The following ARL15 variants were observed in gnomAD, a reference collection of about 807,000 sequenced individuals.
ARL15 encodes ARF like GTPase 15.
In ARL15, 19 loss-of-function variants were observed where a neutral mutation model predicts 25.2. That is an observed-to-expected ratio of 0.75 (90% CI 0.53 to 1.10). The LOEUF (loss-of-function observed/expected upper bound fraction) is 1.10. ARL15 is among the 50% of genes least tolerant of loss of function. The pLI is 0.00. For synonymous variants in ARL15, 94 were observed against 86.8 expected (o/e 1.08, Z -0.46); for missense variants, 220 against 246.0 (o/e 0.89, Z 0.71).
In ARL15 at chr5:54,093,267, A is replaced by G. The variant is rs550363322; in HGVS notation, c.462+19935T>C. ...AGGTGAATTCTCCATAGCTCAACTC[A>G]AACATGAAAGGTGTCCTGGCATTGA... On this transcript the variant is annotated intron_variant, in intron 4 of 4. Transcript: ENST00000504924. Among the ~76,000 whole-genome samples, 9 of 152,316 alleles carry G rather than the reference A, an allele frequency of 5.9e-5. No homozygotes were observed. In the East Asian group the frequency reaches 1.5e-3, roughly 26 times the overall value.
chr5:53,936,133 G>C (rs918048164), intron 4 of ARL15, among the ~76,000 whole-genome samples: 1 of 152,084 alleles, frequency 6.6e-6, no homozygotes, highest in African/African-American at 2.4e-5. Flanking sequence ...TTCAGAGAGA[G>C]GTACATATAT....
intron 1 of ARL15, among the ~76,000 whole-genome samples, chr5:54,218,265 T>TAA (rs957934430): frequency 9.9e-5 from 15 of 152,258 alleles, no homozygotes; most frequent in Admixed American, 5.9e-4. Flanking sequence ...ATGGTTTTTT[T>TAA]AAAAAATTTT....
At chr5:54,041,726 T>C (rs992838131) in intron 4 of ARL15, among the ~76,000 whole-genome samples, 3 of 152,340 alleles carry the variant, frequency 2.0e-5, no homozygotes, top group African/African-American at 7.2e-5. Context: ...GCATCTTTCA[T>C]TTCATAGTTG....
Position 54,164,674 on chromosome 5 carries a change from C to G in ARL15, c.193+7110G>C, listed in dbSNP as rs750845193. ...CATTGTCTAATATTAACATAGCTACCCCAACTTTCTTTTGACTAGTGTTAG... is the reference window on the plus strand; with the variant it reads ...CATTGTCTAATATTAACATAGCTACGCCAACTTTCTTTTGACTAGTGTTAG... On this transcript the variant is annotated intron_variant, in intron 2 of 4. Transcript: ENST00000504924. 5.9e-5 allele frequency among the ~76,000 whole-genome samples: 9 copies of G among 151,952 alleles called. No homozygotes were observed. The South Asian group carries it at 6.2e-4, about 11-fold the overall frequency.
intron 4 of ARL15, among the ~76,000 whole-genome samples, chr5:54,091,588 C>T (rs1298450911): frequency 6.6e-6 from 1 of 152,096 alleles, no homozygotes; most frequent in African/African-American, 2.4e-5. Context: ...AGTTGTGGGC[C>T]TTCTCCTGGA....
chr5:54,010,030 T>C (rs1385533367), intron 4 of ARL15, among the ~76,000 whole-genome samples: 2 of 151,884 alleles, frequency 1.3e-5, no homozygotes, highest in Non-Finnish European at 2.9e-5. Flanking sequence ...GACCAACACA[T>C]AAGGCCACAA....
intron 1 of ARL15, among the ~76,000 whole-genome samples, chr5:54,229,832 T>C (rs1198506406): frequency 1.3e-5 from 2 of 152,220 alleles, no homozygotes; most frequent in Non-Finnish European, 2.9e-5. Context: ...TGGCCGATTC[T>C]GATCCCCACC....
intron 4 of ARL15, among the ~76,000 whole-genome samples, chr5:53,965,917 C>T (rs1298066318): frequency 6.6e-6 from 1 of 152,172 alleles, no homozygotes; most frequent in East Asian, 1.9e-4. Flanking sequence ...TCGACAAACT[C>T]TTGCTCTGCA....
intron 3 of ARL15, among the ~76,000 whole-genome samples, chr5:54,153,480 T>G (rs1199662948): frequency 6.6e-6 from 1 of 152,190 alleles, no homozygotes; most frequent in Non-Finnish European, 1.5e-5. Context: ...AACACAGTCT[T>G]TTAAAAACTT....
At chr5:53,910,865 T>C (rs949215608) in intron 4 of ARL15, among the ~76,000 whole-genome samples, 7 of 151,632 alleles carry the variant, frequency 4.6e-5, no homozygotes, top group African/African-American at 1.5e-4. Context: ...TGGAGTAGGG[T>C]TGAGCATTAT....
At chr5:53,991,717 A>C (rs1748506598) in intron 4 of ARL15, among the ~76,000 whole-genome samples, 1 of 152,028 alleles carries the variant, frequency 6.6e-6, no homozygotes, top group Non-Finnish European at 1.5e-5. Context: ...CACCAAGTTA[A>C]CTTTCAGCAG....
At chr5:54,102,881 C>T (rs1703367) in intron 4 of ARL15, among the ~76,000 whole-genome samples, 134,255 of 152,168 alleles carry the variant, frequency 0.88, 59,445 homozygotes, top group East Asian at 0.98. Context: ...TTCTAAATTA[C>T]TTAACAGTTC....
At chr5:54,178,590 A>G (rs1271493256) in intron 1 of ARL15, among the ~76,000 whole-genome samples, 2 of 152,204 alleles carry the variant, frequency 1.3e-5, no homozygotes, top group African/African-American at 2.4e-5. Context: ...TTAAGTGGAT[A>G]TATTTCTTAC....
intron 4 of ARL15, among the ~76,000 whole-genome samples, chr5:54,044,675 T>C (rs976334791): frequency 1.8e-4 from 28 of 152,232 alleles, no homozygotes; most frequent in African/African-American, 6.3e-4. Flanking sequence ...TAGGAGGTTT[T>C]ATATTCAGAT....
At chr5:54,257,655 C>A (rs1441202833) in intron 1 of ARL15, among the ~76,000 whole-genome samples, 1 of 152,054 alleles carries the variant, frequency 6.6e-6, no homozygotes, top group East Asian at 1.9e-4. Context: ...ATATTACTTT[C>A]AAAATTAAAA....
At chr5:54,115,584 G>A (rs1752875807) in intron 3 of ARL15, among the ~76,000 whole-genome samples, 1 of 152,150 alleles carries the variant, frequency 6.6e-6, no homozygotes, top group African/African-American at 2.4e-5. Flanking sequence ...AAGGAGGGAA[G>A]TATAATTGAC....
chr5:53,908,692 G>A (rs905604044), intron 4 of ARL15, among the ~76,000 whole-genome samples: 11 of 152,136 alleles, frequency 7.2e-5, no homozygotes, highest in African/African-American at 2.7e-4. Flanking sequence ...TTTTCAAAAT[G>A]TTTCTTTTTT....
chr5:54,076,791 CT>C (rs35506215), intron 4 of ARL15, among the ~76,000 whole-genome samples: 10 of 149,260 alleles, frequency 6.7e-5, no homozygotes, highest in East Asian at 5.9e-4. Context: ...TGTAGGAGTG[CT>C]TTTTTTTTTA....
chr5:54,133,890 TTAAGA>T (rs145081064), intron 3 of ARL15, among the ~76,000 whole-genome samples: 1,764 of 152,220 alleles, frequency 0.012, 11 homozygotes, highest in Non-Finnish European at 0.017. Context: ...CGCAAAAATG[TTAAGA>T]TCAGATAAGA....
Sources: gnomAD v4.1 joint callset for allele counts (sites outside exome capture counted in the v4.1 genomes callset) on GRCh38, gnomAD v4.1.1 for gene constraint, MANE v1.5 for transcripts, NCBI Gene and HGNC (gene_info 2026-07-23, HGNC 2026-07-21) for gene names.